CDKL2: variants seen among roughly 807,000 people sequenced by gnomAD.
CDKL2 encodes cyclin dependent kinase like 2, also known as cyclin-dependent kinase-like 2.
Under a neutral mutation model 63.9 loss-of-function variants are expected in CDKL2, and 64 were observed. The ratio of observed to expected loss-of-function variants is 1.00; its 90% confidence interval spans 0.82 to 1.23. The LOEUF (loss-of-function observed/expected upper bound fraction) is 1.23. CDKL2 is among the 50% of genes most tolerant of loss of function. CDKL2 has a pLI of 0.00. For synonymous variants in CDKL2, 211 were observed against 229.2 expected, an observed-to-expected ratio of 0.92 and a Z score of 0.72; for missense variants, 656 against 668.0, an observed-to-expected ratio of 0.98 and a Z score of 0.20.
At chr4:75,594,605 T>C (rs1728839668) in intron 10 of CDKL2, among the ~76,000 whole-genome samples, 1 of 150,586 alleles carries the variant, frequency 6.6e-6, no homozygotes, top group South Asian at 2.1e-4. Flanking sequence ...GTAAATGCAA[T>C]GGAAAAAAAA....
intron 8 of CDKL2, 101 bp from the exon 9 acceptor site, chr4:75,597,337 G>A (rs113892992): frequency 1.4e-6 from 1 of 719,202 alleles, no homozygotes; most frequent in Non-Finnish European, 2.3e-6. Context: ...AATATCATAA[G>A]TATCACCTTT....
rs567306355 is a variant in CDKL2, at chr4:75,607,821, A to T, written c.364-460T>A. Among the ~76,000 whole-genome samples, 226 of 151,592 alleles carry T rather than the reference A, an allele frequency of 1.5e-3. 4 individuals are homozygous for T. The South Asian group carries it at 0.027, about 18-fold the overall frequency. ...GATAAGAGATTGTGGGGAAAAAAAA[A>T]TTTTTTTTTGAGACGGAGTCTCGCT... On this transcript the variant is annotated intron_variant, in intron 3 of 13. Transcript: ENST00000307465.
chr4:75,592,246 A>T lies in CDKL2; in HGVS notation c.1440T>A (p.Phe480Leu). 1 of 1,532,614 alleles carries T rather than the reference A, an allele frequency of 6.5e-7. No homozygotes were observed. Among genetic ancestry groups the T allele is most frequent in the South Asian group, 1.2e-5 (1 of 83,020 alleles). The allele number at this position is 1,532,614 out of a possible 1,614,324, so 94.9% of individuals were successfully genotyped here. The change falls in exon 11 of 14, where the codon TTT becomes TTA. Residue 480 changes from phenylalanine to leucine, a missense_variant. Coordinates refer to ENST00000307465, the MANE Select transcript of CDKL2 (RefSeq NM_001330724.2). ...TTLVSSEKNL[F>L]WASKKRREYS... The stretch of plus-strand genomic sequence containing the variant: ...ATTCTCTTCTTTTCTTACTTGCCCA[A>T]AAGAGGTTTTTTTCACTAGAGACCT...
At chr4:75,626,122 G>A in intron 1 of CDKL2, 105 bp from the exon 2 acceptor site, 1 of 702,716 alleles carries the variant, frequency 1.4e-6, no homozygotes, top group Non-Finnish European at 2.4e-6. Context: ...TAGTCACTGT[G>A]TTCATGGCTG....
intron 3 of CDKL2, among the ~76,000 whole-genome samples, chr4:75,611,234 C>T (rs369276515): frequency 2.0e-5 from 3 of 151,794 alleles, no homozygotes; most frequent in African/African-American, 7.3e-5. Flanking sequence ...CGAGGTGGGC[C>T]GATCACTTGA....
At chr4:75,590,553 A>T (rs1190897766) in intron 12 of CDKL2, among the ~76,000 whole-genome samples, 1 of 152,102 alleles carries the variant, frequency 6.6e-6, no homozygotes, top group Non-Finnish European at 1.5e-5. Context: ...TGCCTCTAAT[A>T]AAAATACAAA....
intron 2 of CDKL2, among the ~76,000 whole-genome samples, chr4:75,616,837 C>T (rs1028182965): frequency 3.8e-4 from 58 of 151,870 alleles, no homozygotes; most frequent in Non-Finnish European, 6.3e-4. Context: ...AGCTAGAAGC[C>T]ATTATCCTCA....
In CDKL2 at chr4:75,598,145, G is replaced by T; in HGVS notation, c.952C>A (p.Gln318Lys). ...TTTTCTTTTTCCTTCTTTCTGTTTTGGGATTTTTTAGATAAAGAAACATTT... is the reference window on the plus strand; with the variant it reads ...TTTTCTTTTTCCTTCTTTCTGTTTTTGGATTTTTTAGATAAAGAAACATTT... ...ARNVSLSKKS[Q>K]NRKKEKEKDD... is the part of the protein sequence containing the mutation. The change falls in exon 8 of 14, where the codon CAA (glutamine) becomes AAA (lysine). Residue 318 changes from glutamine to lysine, a missense_variant. By Grantham distance (53) the Gln-to-Lys change is moderately conservative (BLOSUM62 1). Transcript: ENST00000307465. 6.4e-7 allele frequency: 1 copy of T among 1,550,692 alleles called. No homozygotes were observed. Among genetic ancestry groups the T allele is most frequent in the Non-Finnish European group, 8.8e-7 (1 of 1,137,142 alleles).
At position 75,607,201 on chromosome 4, in the gene CDKL2, C is replaced by T. The variant is rs768530133; in HGVS notation, c.524G>A (p.Gly175Asp). The stretch of plus-strand genomic sequence containing the variant: ...GTCTTACTTGCCATACTTGACATCA[C>T]CAACCAATAGTTCTGGAGCTCTGTA... ...RWYRAPELLV[G>D]DVKYGKAVDV... The change falls in exon 4 of 14, where the codon GGT becomes GAT. Residue 175 changes from glycine to aspartate, a missense_variant. Transcript: ENST00000307465. The T allele has an allele frequency of 6.2e-7, 1 of 1,609,418 alleles. No individual in the cohort carries two copies. The highest frequency in any genetic ancestry group is 1.1e-5 in the South Asian group (1 of 90,514).
chr4:75,627,263 T>TTTTG (rs140943093), intron 1 of CDKL2, among the ~76,000 whole-genome samples: 28,043 of 150,260 alleles, frequency 0.19, 2,777 homozygotes, highest in South Asian at 0.33. Flanking sequence ...TGGTGGGGGA[T>TTTTG]TTTGTTTGTT....
chr4:75,600,257 G>A lies in CDKL2; in HGVS notation c.884+24C>T, dbSNP rs540417721. On this transcript the variant is annotated intron_variant, in intron 7 of 13. Coordinates refer to ENST00000307465, the MANE Select transcript of CDKL2 (RefSeq NM_001330724.2). ...CTTTAACCCTAGGTTGGTATGGCCT[G>A]AAAAACATGGGTAAGTACTATACCT... The A allele has an allele frequency of 3.3e-6, 5 of 1,527,000 alleles. No homozygotes were observed. In the African/African-American group the frequency reaches 5.5e-5, roughly 17 times the overall value. The allele number at this position is 1,527,000 out of a possible 1,614,324, so 94.6% of individuals were successfully genotyped here.
At chr4:75,592,832 T>G (rs1185381173) in intron 10 of CDKL2, among the ~76,000 whole-genome samples, 2 of 152,238 alleles carry the variant, frequency 1.3e-5, no homozygotes, top group African/African-American at 4.8e-5. Flanking sequence ...GAATTATAAC[T>G]TCAATTATTT....
chr4:75,618,272 A>C (rs1578349687), intron 2 of CDKL2, among the ~76,000 whole-genome samples: 1 of 40,194 alleles, frequency 2.5e-5, no homozygotes, highest in Non-Finnish European at 4.3e-5. Context: ...TTTTTTTGAG[A>C]CGGAGTTTCG....
chr4:75,608,893 T>C (rs1287208498), intron 3 of CDKL2, among the ~76,000 whole-genome samples: 76 of 151,684 alleles, frequency 5.0e-4, no homozygotes. Flanking sequence ...ACTTGAGTGG[T>C]TGAGGCAGGA....
rs777120581 is a variant in CDKL2, at chr4:75,600,329, G to C, written c.836C>G (p.Ala279Gly). The C allele has an allele frequency of 1.9e-6, 3 of 1,613,694 alleles. No individual in the cohort carries two copies. The Admixed American group carries it at 5.0e-5, about 27-fold the overall frequency. ...HIDPDKRPFC[A>G]ELLHHDFFQM... ...AAAGAAATCATGGTGTAGGAGCTCA[G>C]CACAGAAGGGTCTTTTGTCGGGGTC... The change falls in exon 7 of 14, where the codon GCT (alanine) becomes GGT (glycine). Residue 279 changes from alanine to glycine, a missense_variant. Physicochemically the swap from Ala to Gly is moderately conservative, Grantham distance 60. Transcript: ENST00000307465.
Position 75,592,286 on chromosome 4 carries a change from A to G in CDKL2, c.1417-17T>C. On this transcript the variant is annotated splice_polypyrimidine_tract_variant and intron_variant, in intron 10 of 13. Transcript: ENST00000307465. ...ACTAGAGACCTAATATCATCAACAT[A>G]GTCAACAAAAAAGAATTAGTTTCAA... 6.6e-7 allele frequency: 1 copy of G among 1,508,168 alleles called. No homozygotes were observed. Among genetic ancestry groups the G allele is most frequent in the Non-Finnish European group, 8.8e-7 (1 of 1,137,166 alleles). The allele number at this position is 1,508,168 out of a possible 1,614,324, so 93.4% of individuals were successfully genotyped here.
At chr4:75,598,253 T>C in intron 7 of CDKL2, 41 bp from the exon 8 acceptor site, 1 of 1,122,000 alleles carries the variant, frequency 8.9e-7, no homozygotes, top group Non-Finnish European at 1.2e-6. Context: ...AAGACATGGA[T>C]AAACCTACAA....
chr4:75,597,452 C>G (rs891930104), intron 8 of CDKL2, among the ~76,000 whole-genome samples: 7 of 152,068 alleles, frequency 4.6e-5, no homozygotes, highest in African/African-American at 1.7e-4. Context: ...GCAATTCACA[C>G]AGCTCACTCA....
At chr4:75,591,795 A>G (rs1350680069) in intron 12 of CDKL2, 24 bp downstream of exon 12, 5 of 1,460,212 alleles carry the variant, frequency 3.4e-6, no homozygotes, top group Middle Eastern at 1.7e-4. Context: ...AGTTCTGTCC[A>G]TCCTATAAAG....
Sources: gnomAD v4.1 joint callset for allele counts (sites outside exome capture counted in the v4.1 genomes callset) on GRCh38, gnomAD v4.1.1 for gene constraint, MANE v1.5 for transcripts, NCBI Gene and HGNC (gene_info 2026-07-23, HGNC 2026-07-21) for gene names.